Variants in LRRTM4 observed in about 807,000 individuals in gnomAD.
LRRTM4 encodes the protein leucine rich repeat transmembrane neuronal 4.
LRRTM4 carries 25 observed loss-of-function variants against 47.6 expected under a neutral mutation model. The ratio of observed to expected loss-of-function variants is 0.53; its 90% CI spans 0.38 to 0.73. The LOEUF (loss-of-function observed/expected upper bound fraction) is 0.73. LRRTM4 is among the 30% of genes least tolerant of loss of function. The probability of loss-of-function intolerance (pLI) is 0.00; values close to 1 mark genes in which losing one functional copy is unlikely to be tolerated. For synonymous variants in LRRTM4, 311 were observed against 269.5 expected, an observed-to-expected ratio of 1.15 and a Z score of -1.51; for missense variants, 638 against 713.4, an observed-to-expected ratio of 0.89 and a Z score of 1.20.
chr2:76,862,206 T>C (rs1328810080), intron 3 of LRRTM4, among the ~76,000 whole-genome samples: 1 of 152,166 alleles, frequency 6.6e-6, no homozygotes, highest in Admixed American at 6.6e-5. Context: ...CAGTGTTTGA[T>C]ATCATTTGAT....
At chr2:77,362,980 A>G (rs1260908864) in intron 3 of LRRTM4, among the ~76,000 whole-genome samples, 1 of 152,168 alleles carries the variant, frequency 6.6e-6, no homozygotes, top group Non-Finnish European at 1.5e-5. Flanking sequence ...ACTCTTTATA[A>G]ACATCCATAT....
chr2:76,835,046 A>G (rs912388580), intron 3 of LRRTM4, among the ~76,000 whole-genome samples: 1 of 152,148 alleles, frequency 6.6e-6, no homozygotes, highest in Non-Finnish European at 1.5e-5. Flanking sequence ...CATAAGACCA[A>G]TAGCATCCGA....
intron 3 of LRRTM4, among the ~76,000 whole-genome samples, chr2:76,901,447 A>G (rs980914661): frequency 6.6e-6 from 1 of 152,018 alleles, no homozygotes; most frequent in Non-Finnish European, 1.5e-5. Flanking sequence ...TATCTAGTCT[A>G]TCATTTAAAA....
Position 77,084,098 on chromosome 2 carries a change from C to T in LRRTM4, c.1552-335182G>A, listed in dbSNP as rs1405550545. Among the ~76,000 whole-genome samples, 7 of 152,174 alleles carry T rather than the reference C, an allele frequency of 4.6e-5. No homozygotes were observed. In the South Asian group the frequency reaches 6.2e-4, roughly 14 times the overall value. On this transcript the variant is annotated intron_variant, in intron 3 of 3. Transcript: ENST00000409884. ...GGGATTACAGGTGTGAGCCACCATG[C>T]GTGGCCCTGGACACATAATTTGTTT...
chr2:77,415,895 C>A (rs932741800), intron 3 of LRRTM4, among the ~76,000 whole-genome samples: 1 of 151,994 alleles, frequency 6.6e-6, no homozygotes, highest in African/African-American at 2.4e-5. Flanking sequence ...AAATAAAACA[C>A]AAATGATTGT....
At chr2:76,966,208 A>G (rs1173946509) in intron 3 of LRRTM4, among the ~76,000 whole-genome samples, 1 of 151,516 alleles carries the variant, frequency 6.6e-6, no homozygotes, top group African/African-American at 2.4e-5. Context: ...ACAAAAAGAA[A>G]AGTGAAAGAG....
intron 3 of LRRTM4, among the ~76,000 whole-genome samples, chr2:77,180,705 T>C (rs1673323715): frequency 6.6e-6 from 1 of 152,188 alleles, no homozygotes; most frequent in Admixed American, 6.6e-5. Context: ...TGAAAAGAAA[T>C]TCTGATTGTC....
intron 3 of LRRTM4, among the ~76,000 whole-genome samples, chr2:76,975,633 G>A (rs183692197): frequency 4.9e-4 from 74 of 151,748 alleles, no homozygotes; most frequent in East Asian, 4.5e-3. Flanking sequence ...AGATGGTCAT[G>A]AAGCCAAGGT....
intron 3 of LRRTM4, among the ~76,000 whole-genome samples, chr2:77,212,406 T>C (rs1674317753): frequency 6.7e-6 from 1 of 149,726 alleles, no homozygotes; most frequent in East Asian, 2.0e-4. Flanking sequence ...TGTTTCAAGG[T>C]CACCAATCAA....
chr2:77,079,849 G>A (rs532399152), intron 3 of LRRTM4, among the ~76,000 whole-genome samples: 1 of 151,560 alleles, frequency 6.6e-6, no homozygotes, highest in South Asian at 2.1e-4. Context: ...TTAGTTTTCT[G>A]TATGTTCCAG....
At chr2:77,288,199 T>C (rs1208602814) in intron 3 of LRRTM4, among the ~76,000 whole-genome samples, 1 of 151,422 alleles carries the variant, frequency 6.6e-6, no homozygotes, top group Non-Finnish European at 1.5e-5. Flanking sequence ...GAGTGTCAAG[T>C]AGAAAAAATA....
intron 3 of LRRTM4, among the ~76,000 whole-genome samples, chr2:76,825,018 A>AATAT (rs1671153369): frequency 6.6e-6 from 1 of 151,592 alleles, no homozygotes; most frequent in Non-Finnish European, 1.5e-5. Context: ...AAGCATTTAT[A>AATAT]ATGTTCTGGG....
intron 3 of LRRTM4, among the ~76,000 whole-genome samples, chr2:77,481,800 A>G (rs1677713195): frequency 6.6e-6 from 1 of 152,168 alleles, no homozygotes; most frequent in Non-Finnish European, 1.5e-5. Context: ...TATCCAAAGG[A>G]TGAAGGCAAC....
rs1371432021 is a variant in LRRTM4, at chr2:77,472,375, A to C, written c.1551+45943T>G. On this transcript the variant is annotated intron_variant, in intron 3 of 3. Transcript: ENST00000409884. ...ATGGAAAGAAATTACATACTGATTGATTGACAAAAATGTTGTTACCAGAGG... is the reference window on the plus strand; with the variant it reads ...ATGGAAAGAAATTACATACTGATTGCTTGACAAAAATGTTGTTACCAGAGG... Among the ~76,000 whole-genome samples the C allele has an allele frequency of 2.0e-5, 3 of 152,180 alleles. No homozygotes were observed. The East Asian group carries it at 5.8e-4, about 29-fold the overall frequency.
rs70956631 is a variant in LRRTM4 at position 77,438,393 on chromosome 2, A to ATTTTTTTTTTTTTTT, written c.1551+79910_1551+79924dup. ...TACATTTTCGCTCTCGATCATGATA[A>ATTTTTTTTTTTTTTT]TTTTTTTTTTTTTTTTTTTTTTTTT... On this transcript the variant is annotated intron_variant, in intron 3 of 3. Coordinates refer to ENST00000409884, the MANE Select transcript of LRRTM4 (RefSeq NM_001134745.3). 2.0e-5 allele frequency among the ~76,000 whole-genome samples: 2 copies of ATTTTTTTTTTTTTTT among 100,172 alleles called. 1 individual carries two copies. The highest frequency in any genetic ancestry group is 8.9e-5 in the African/African-American group (2 of 22,372). 65.7% of individuals were successfully genotyped at this position (100,172 alleles called of 152,430 possible). A position where few individuals can be genotyped will look rare whatever the true frequency, so the allele number is the denominator to read the frequency against.
Position 77,521,779 on chromosome 2 carries a change from C to A in LRRTM4, c.-108G>T. 8.4e-7 allele frequency: 1 copy of A among 1,196,482 alleles called. No homozygotes were observed. The highest frequency in any genetic ancestry group is 1.2e-6 in the Non-Finnish European group (1 of 819,022). 74.1% of individuals were successfully genotyped at this position (1,196,482 alleles called of 1,614,324 possible). A position where few individuals can be genotyped will look rare whatever the true frequency, so the allele number is the denominator to read the frequency against. Reference sequence around the variant, plus strand: ...TGACACAGTGCGGCTGTCATTCACACCATTCTGATCCCGCATGTGAGCTAG... The same window carrying A: ...TGACACAGTGCGGCTGTCATTCACAACATTCTGATCCCGCATGTGAGCTAG... On this transcript the variant is annotated 5_prime_UTR_variant, in exon 2 of 4. Coordinates refer to ENST00000409884, the MANE Select transcript of LRRTM4 (RefSeq NM_001134745.3).
chr2:76,909,330 T>C (rs1236504658), intron 3 of LRRTM4, among the ~76,000 whole-genome samples: 1 of 152,110 alleles, frequency 6.6e-6, no homozygotes, highest in Non-Finnish European at 1.5e-5. Context: ...TTACACCTTA[T>C]ACAAAAATCA....
intron 3 of LRRTM4, among the ~76,000 whole-genome samples, chr2:77,240,286 G>C (rs1231752849): frequency 6.6e-6 from 1 of 151,448 alleles, no homozygotes; most frequent in Non-Finnish European, 1.5e-5. Flanking sequence ...CAATGTGATA[G>C]AGTAAAGAAG....
chr2:77,244,951 C>T (rs1381320189), intron 3 of LRRTM4, among the ~76,000 whole-genome samples: 1 of 152,102 alleles, frequency 6.6e-6, no homozygotes, highest in African/African-American at 2.4e-5. Flanking sequence ...ATGCCCTAGT[C>T]AACACCTTGA....
Sources: allele counts gnomAD v4.1 joint callset (sites outside exome capture counted in the v4.1 genomes callset), GRCh38; gene constraint gnomAD v4.1.1; transcripts MANE v1.5; gene names NCBI Gene and HGNC (gene_info 2026-07-23, HGNC 2026-07-21).